The following AOPEP variants were observed in gnomAD, a reference collection of about 807,000 sequenced individuals.
AOPEP encodes the protein aminopeptidase O (putative).
In AOPEP, 77 loss-of-function variants were observed where a neutral mutation model predicts 98.1. That is an observed-to-expected ratio of 0.78 (90% CI 0.65 to 0.95). The LOEUF (loss-of-function observed/expected upper bound fraction) is 0.95, where lower values mean the gene tolerates loss of function less well. AOPEP is among the 40% of genes least tolerant of loss of function. AOPEP has a pLI of 0.00. For missense variants in AOPEP, 1,024 were observed against 1,024.7 expected (o/e 1.00, Z 0.01); for synonymous variants, 346 against 365.3 (o/e 0.95, Z 0.60).
the AOPEP span, among the ~76,000 whole-genome samples, chr9:95,128,516 A>G: frequency 1.2e-4 from 18 of 152,360 alleles, no homozygotes; most frequent in African/African-American, 4.3e-4. Flanking sequence ...TTCAATACTA[A>G]TTATAGGGAT....
chr9:94,946,731 A>G (rs547058098), intron 7 of AOPEP, among the ~76,000 whole-genome samples: 68 of 152,274 alleles, frequency 4.5e-4, no homozygotes, highest in African/African-American at 1.5e-3. Context: ...TTTAGCATAT[A>G]TACCGCATGC....
intron 13 of AOPEP, among the ~76,000 whole-genome samples, chr9:95,024,053 C>T (rs1041307310): frequency 6.6e-6 from 1 of 152,180 alleles, no homozygotes; most frequent in African/African-American, 2.4e-5. Flanking sequence ...GGCTGAAACT[C>T]CACATGCCCT....
chr9:95,110,893 C>T, the AOPEP span: 3 of 1,266,414 alleles, frequency 2.4e-6, no homozygotes, highest in Admixed American at 7.1e-5. Context: ...CAGTCCCATA[C>T]TTAGCTGCTC....
At chr9:95,067,209 A>G (rs921822647) in intron 14 of AOPEP, among the ~76,000 whole-genome samples, 1 of 152,026 alleles carries the variant, frequency 6.6e-6, no homozygotes, top group Non-Finnish European at 1.5e-5. Flanking sequence ...CACAGCACAG[A>G]TAGGATGTGA....
At chr9:95,086,616 G>T in intron 16 of AOPEP, 66 bp from the exon 17 acceptor site, 1 of 989,072 alleles carries the variant, frequency 1.0e-6, no homozygotes, top group Admixed American at 6.0e-5. Context: ...GGCACACAGA[G>T]GTGCGCGCTC....
chr9:94,960,158 T>C (rs1044423993), intron 9 of AOPEP, among the ~76,000 whole-genome samples: 1 of 152,202 alleles, frequency 6.6e-6, no homozygotes, highest in African/African-American at 2.4e-5. Flanking sequence ...ACGCCTGTAA[T>C]CCCAGCACTT....
intron 5 of AOPEP, among the ~76,000 whole-genome samples, chr9:94,916,374 A>G (rs2136592759): frequency 6.6e-6 from 1 of 152,298 alleles, no homozygotes; most frequent in South Asian, 2.1e-4. Flanking sequence ...GATCCTGCAG[A>G]AAATACACAG....
At chr9:95,095,772 T>G in the AOPEP span, among the ~76,000 whole-genome samples, 2 of 146,316 alleles carry the variant, frequency 1.4e-5, no homozygotes, top group East Asian at 4.5e-4. Context: ...GAGATCGGCA[T>G]CCTCTCAGCT....
chr9:94,792,946 G>GAAAA, intron 4 of AOPEP, 28 bp downstream of exon 4: 3 of 1,271,644 alleles, frequency 2.4e-6, no homozygotes, highest in African/African-American at 1.5e-5. Context: ...TGCTGGGAAG[G>GAAAA]AAAAAAAAAA....
At chr9:95,064,024 C>A (rs1206332144) in intron 14 of AOPEP, among the ~76,000 whole-genome samples, 2 of 152,148 alleles carry the variant, frequency 1.3e-5, no homozygotes, top group Admixed American at 1.3e-4. Flanking sequence ...CTATACTCTC[C>A]CAAAGTGCCA....
intron 13 of AOPEP, among the ~76,000 whole-genome samples, chr9:95,051,498 TAC>T (rs2066361550): frequency 6.6e-6 from 1 of 152,160 alleles, no homozygotes; most frequent in Non-Finnish European, 1.5e-5. Flanking sequence ...TTCTAAGACA[TAC>T]AGTTGAGTTT....
chr9:95,146,064 T>C, the AOPEP span, among the ~76,000 whole-genome samples: 3 of 152,106 alleles, frequency 2.0e-5, no homozygotes, highest in African/African-American at 7.2e-5. Flanking sequence ...TATGTGATGA[T>C]GATAAGGAAC....
chr9:94,731,894 C>T (rs988325998), intron 1 of AOPEP, among the ~76,000 whole-genome samples: 1 of 145,388 alleles, frequency 6.9e-6, no homozygotes, highest in Non-Finnish European at 1.5e-5. Context: ...TAGCAATTCT[C>T]CTGCCTCAGC....
intron 6 of AOPEP, among the ~76,000 whole-genome samples, chr9:94,927,124 G>A (rs1005736341): frequency 2.0e-5 from 3 of 152,134 alleles, no homozygotes; most frequent in Admixed American, 6.5e-5. Context: ...AGGTGGCCAC[G>A]AGCTGCTTTT....
intron 10 of AOPEP, among the ~76,000 whole-genome samples, chr9:94,978,375 G>A (rs1295592677): frequency 4.6e-5 from 7 of 152,054 alleles, no homozygotes; most frequent in South Asian, 2.1e-4. Context: ...ACAATTAAAT[G>A]TGCGTTCATT....
intron 13 of AOPEP, among the ~76,000 whole-genome samples, chr9:95,034,073 C>T (rs1310464276): frequency 6.6e-6 from 1 of 152,182 alleles, no homozygotes. Context: ...GAAGACACAT[C>T]CCTGCCTTGT....
chr9:94,742,028 G>A (rs1833252211), intron 1 of AOPEP, among the ~76,000 whole-genome samples: 1 of 152,188 alleles, frequency 6.6e-6, no homozygotes. Context: ...TGTGGGGAGG[G>A]GCTGGGTAGA....
chr9:95,146,843 G>A, the AOPEP span, among the ~76,000 whole-genome samples: 1 of 151,954 alleles, frequency 6.6e-6, no homozygotes, highest in African/African-American at 2.4e-5. Context: ...ACTGAGATGC[G>A]TTAAAAGAAA....
At chr9:94,993,447 C>T (rs2061018284) in intron 11 of AOPEP, among the ~76,000 whole-genome samples, 2 of 152,034 alleles carry the variant, frequency 1.3e-5, no homozygotes, top group Non-Finnish European at 2.9e-5. Flanking sequence ...CAAACAGAAC[C>T]AGTAATGAAA....
Sources: gnomAD v4.1 joint callset for allele counts (sites outside exome capture counted in the v4.1 genomes callset) on GRCh38, gnomAD v4.1.1 for gene constraint, MANE v1.5 for transcripts, NCBI Gene and HGNC (gene_info 2026-07-23, HGNC 2026-07-21) for gene names.